CD109: variants seen among roughly 807,000 people sequenced by gnomAD.
CD109 encodes the protein CD109 molecule.
In CD109, 149 loss-of-function variants were observed where a neutral mutation model predicts 165.8. That is an observed-to-expected ratio of 0.90 (90% CI 0.79 to 1.03). The LOEUF (loss-of-function observed/expected upper bound fraction) is 1.03. CD109 is among the 50% of genes least tolerant of loss of function. CD109 has a pLI of 0.00. For missense variants in CD109, 1,712 were observed against 1,677.8 expected, an observed-to-expected ratio of 1.02 and a Z score of -0.36; for synonymous variants, 585 against 592.1, an observed-to-expected ratio of 0.99 and a Z score of 0.18.
intron 5 of CD109, 22 bp downstream of exon 5, chr6:73,736,530 G>T (rs201101185): frequency 1.5e-5 from 24 of 1,596,174 alleles, no homozygotes; most frequent in East Asian, 9.1e-5. Flanking sequence ...TATATTTTTT[G>T]GGGGGAATGT....
At chr6:73,725,508 T>C (rs1400061833) in intron 3 of CD109, among the ~76,000 whole-genome samples, 1 of 141,244 alleles carries the variant, frequency 7.1e-6, no homozygotes, top group African/African-American at 2.7e-5. Context: ...ACACTTCTTT[T>C]TTTTTTTTTT....
chr6:73,812,116 A>G (rs771979356), intron 28 of CD109, 89 bp from the exon 29 acceptor site: 4 of 742,322 alleles, frequency 5.4e-6, no homozygotes, highest in Non-Finnish European at 9.1e-6. Flanking sequence ...TTCTTTTCCT[A>G]ATGAGGGATA....
At chr6:73,791,691 A>C (rs1305539154) in intron 22 of CD109, among the ~76,000 whole-genome samples, 1 of 152,182 alleles carries the variant, frequency 6.6e-6, no homozygotes, top group Non-Finnish European at 1.5e-5. Flanking sequence ...TGCTTCTTTG[A>C]ACTTTGATAG....
At position 73,823,622 on chromosome 6, in the gene CD109, C is replaced by T; in HGVS notation, c.4327C>T (p.Leu1443Phe). ...FCFKLLYFMELWL is the reference protein window; with the variant it reads ...FCFKLLYFMEFWL ...TTTCAAGCTTCTGTACTTTATGGAA[C>T]TTTGGCTGTGATTTATTTTTAAAGG... is the stretch of plus-strand genomic sequence containing the variant. The change falls in exon 33 of 33, where the codon CTT becomes TTT. Residue 1443 changes from leucine (L) to phenylalanine (F), a missense_variant. By Grantham distance (22) the Leu-to-Phe change is conservative. Coordinates refer to ENST00000287097, the MANE Select transcript of CD109 (RefSeq NM_133493.5). 1 of 1,606,674 alleles carries T rather than the reference C, an allele frequency of 6.2e-7. No homozygotes were observed. The highest frequency in any genetic ancestry group is 8.5e-7 in the Non-Finnish European group (1 of 1,174,910).
intron 15 of CD109, among the ~76,000 whole-genome samples, chr6:73,779,541 C>A (rs1220530939): frequency 6.6e-6 from 1 of 152,098 alleles, no homozygotes; most frequent in Non-Finnish European, 1.5e-5. Context: ...AGCCACCGCA[C>A]CTAGCCTCAG....
Position 73,799,398 on chromosome 6 carries a change from C to T in CD109, c.2879-3822C>T, listed in dbSNP as rs551125455. 9.9e-5 allele frequency among the ~76,000 whole-genome samples: 15 copies of T among 152,086 alleles called. 1 individual carries two copies. The highest frequency in any genetic ancestry group is 3.9e-4 in the East Asian group (2 of 5,192). The stretch of plus-strand genomic sequence containing the variant: ...ACCTCTCATTGGTAACTATATCAGG[C>T]GGTTCTTGCATTACTATAAAGAAAT... On this transcript the variant is annotated intron_variant, in intron 23 of 32. Transcript: ENST00000287097.
At chr6:73,679,485 T>TA in the CD109 span, among the ~76,000 whole-genome samples, 1,457 of 147,474 alleles carry the variant, frequency 9.9e-3, 27 homozygotes, top group African/African-American at 0.035. Context: ...CTTGGATAAT[T>TA]AAAAAAAAAA....
chr6:73,815,150 T>C, intron 30 of CD109, 27 bp downstream of exon 30: 1 of 1,525,560 alleles, frequency 6.6e-7, no homozygotes, highest in Non-Finnish European at 8.7e-7. Context: ...GTCTCTCTTC[T>C]TTTTTTCCTT....
chr6:73,808,814 G>A (rs1458639831), intron 26 of CD109, among the ~76,000 whole-genome samples: 2 of 126,920 alleles, frequency 1.6e-5, no homozygotes, highest in African/African-American at 9.4e-5. Context: ...AGGTGTGTGT[G>A]TGTGTGTGTG....
intron 2 of CD109, among the ~76,000 whole-genome samples, chr6:73,702,006 G>A (rs368383205): frequency 4.5e-4 from 69 of 152,174 alleles, no homozygotes; most frequent in Admixed American, 1.0e-3. Flanking sequence ...CTGCATGGGC[G>A]TCTCCAGGTG....
intron 2 of CD109, among the ~76,000 whole-genome samples, chr6:73,722,636 C>G (rs187170650): frequency 7.9e-5 from 12 of 152,302 alleles, no homozygotes; most frequent in African/African-American, 2.9e-4. Flanking sequence ...TTCCCAAGGG[C>G]CTGCCATCTT....
chr6:73,690,445 A>G, the CD109 span, among the ~76,000 whole-genome samples: 1 of 152,194 alleles, frequency 6.6e-6, no homozygotes, highest in East Asian at 1.9e-4. Flanking sequence ...CTTGTTGTCC[A>G]GGCTGGAGTG....
chr6:73,720,562 CCATTCCATAAGTTATACCT>C (rs1379194845), intron 2 of CD109, among the ~76,000 whole-genome samples: 1 of 152,026 alleles, frequency 6.6e-6, no homozygotes, highest in Non-Finnish European at 1.5e-5. Flanking sequence ...TGTGGTTTAG[CCATTCCATAAGTTATACCT>C]CATTCCATAA....
At chr6:73,709,160 C>G (rs1189215482) in intron 2 of CD109, among the ~76,000 whole-genome samples, 2 of 152,092 alleles carry the variant, frequency 1.3e-5, no homozygotes, top group Admixed American at 6.5e-5. Context: ...TTTAATCCAT[C>G]TTGAATTAAT....
At chr6:73,733,885 T>C (rs1228102003) in intron 4 of CD109, among the ~76,000 whole-genome samples, 1 of 151,848 alleles carries the variant, frequency 6.6e-6, no homozygotes, top group Non-Finnish European at 1.5e-5. Context: ...GGGAGCTTAC[T>C]GCTTGAGACA....
chr6:73,756,757 A>G (rs1773407682), intron 6 of CD109, 75 bp downstream of exon 6: 12 of 1,036,170 alleles, frequency 1.2e-5, no homozygotes, highest in Non-Finnish European at 1.7e-5. Flanking sequence ...AATTTTTAAG[A>G]GATGTATTAT....
At chr6:73,699,742 G>A (rs1191858761) in intron 2 of CD109, among the ~76,000 whole-genome samples, 1 of 152,172 alleles carries the variant, frequency 6.6e-6, no homozygotes, top group African/African-American at 2.4e-5. Flanking sequence ...GGAAAACGCT[G>A]CTTCTTTCAT....
chr6:73,695,870 G>T, upstream of CD109: 1 of 347,604 alleles, frequency 2.9e-6, no homozygotes, highest in South Asian at 2.4e-5. Flanking sequence ...TAAACAGCCT[G>T]AGGAACCCGG....
intron 4 of CD109, 149 bp from the exon 5 acceptor site, chr6:73,736,234 C>T (rs1772538866): frequency 2.7e-6 from 2 of 727,320 alleles, no homozygotes; most frequent in Non-Finnish European, 4.5e-6. Context: ...TCCATCCTCA[C>T]ATCCTGCCAT....
Sources: allele counts gnomAD v4.1 joint callset (sites outside exome capture counted in the v4.1 genomes callset), GRCh38; gene constraint gnomAD v4.1.1; transcripts MANE v1.5; gene names NCBI Gene and HGNC (gene_info 2026-07-23, HGNC 2026-07-21).